Variants in TTC7A observed in about 807,000 individuals in gnomAD.
TTC7A encodes the protein tetratricopeptide repeat domain 7A.
A neutral mutation model predicts 103.7 loss-of-function variants in TTC7A; 110 were observed. The observed-to-expected ratio is 1.06, with a 90% CI of 0.91 to 1.24. The LOEUF (loss-of-function observed/expected upper bound fraction) is 1.24, where lower values mean the gene tolerates loss of function less well. Among genes scored for constraint, TTC7A ranks in the 50% most tolerant of loss-of-function variants. TTC7A has a pLI of 0.00. For synonymous variants in TTC7A, 521 were observed against 467.9 expected, an observed-to-expected ratio of 1.11 and a Z score of -1.47; for missense variants, 1,340 against 1,116.3, an observed-to-expected ratio of 1.20 and a Z score of -2.86.
chr2:46,994,594 T>G (rs1484425613), intron 7 of TTC7A, 80 bp downstream of exon 7: 17 of 1,435,930 alleles, frequency 1.2e-5, no homozygotes, highest in Non-Finnish European at 1.6e-5. Context: ...GCTTCCTCTT[T>G]GCCCCATGCT....
intron 4 of TTC7A, 81 bp from the exon 5 acceptor site, chr2:46,978,711 G>A: frequency 2.7e-6 from 3 of 1,099,382 alleles, no homozygotes; most frequent in Non-Finnish European, 4.1e-6. Context: ...CTGGGATGGT[G>A]ATGAGGCCAC....
intron 14 of TTC7A, among the ~76,000 whole-genome samples, chr2:47,027,101 CCT>C (rs1258635205): frequency 6.6e-6 from 1 of 152,232 alleles, no homozygotes; most frequent in Non-Finnish European, 1.5e-5. Flanking sequence ...CTCTCCCAAC[CCT>C]CTCTTTCCAG....
intron 8 of TTC7A, among the ~76,000 whole-genome samples, chr2:47,005,340 G>A (rs991988444): frequency 6.6e-6 from 1 of 152,220 alleles, no homozygotes; most frequent in African/African-American, 2.4e-5. Context: ...GAGTCAAGCA[G>A]CAGAGCCACC....
rs761332362 is a variant in TTC7A at position 46,994,380 on chromosome 2, GGTCCTGCT to G, written c.869_876del (p.Val290AlafsTer5). 1.2e-6 allele frequency: 2 copies of G among 1,613,402 alleles called. No individual in the cohort carries two copies. The highest frequency in any genetic ancestry group is 2.2e-5 in the South Asian group (2 of 91,008). On this transcript the variant is annotated frameshift_variant, in exon 7 of 20. Coordinates refer to ENST00000319190, the MANE Select transcript of TTC7A (RefSeq NM_020458.4). LOFTEE classifies it high-confidence loss of function. ...AGATGGCGGCCAAGCACCTGGCGGGGGTCCTGCTGCACTCCCTGAGTGAGGAGTGCTAC... is the reference window on the plus strand; with the variant it reads ...AGATGGCGGCCAAGCACCTGGCGGGGGCACTCCCTGAGTGAGGAGTGCTAC...
upstream of TTC7A, among the ~76,000 whole-genome samples, chr2:46,939,010 C>CAAA (rs1190579295): frequency 2.6e-5 from 2 of 76,990 alleles, no homozygotes; most frequent in African/African-American, 4.4e-5. Context: ...GACTCTGTCT[C>CAAA]AAAAAAAAAA....
At chr2:46,927,778 C>T (rs1669467099) in intron 2 of TTC7A, among the ~76,000 whole-genome samples, 2 of 151,186 alleles carry the variant, frequency 1.3e-5, no homozygotes, top group Non-Finnish European at 2.9e-5. Context: ...TAAAATACTA[C>T]AGCCAGCTAA....
At chr2:46,932,221 C>T (rs906585741) in intron 2 of TTC7A, among the ~76,000 whole-genome samples, 13 of 151,462 alleles carry the variant, frequency 8.6e-5, no homozygotes, top group Admixed American at 7.3e-4. Context: ...GGGGTCTTGG[C>T]TCACTGCAAC....
At chr2:46,962,373 A>G (rs1301010366) in intron 3 of TTC7A, among the ~76,000 whole-genome samples, 1 of 151,990 alleles carries the variant, frequency 6.6e-6, no homozygotes. Context: ...CGTCCATTCT[A>G]CCCAGTTAGG....
rs1237049282 is a variant in TTC7A at position 46,994,418 on chromosome 2, G to A, written c.905G>A (p.Ser302Asn). ...TCCCTGAGTGAGGAGTGCTACTGGA[G>A]CCCCCTGTCCCACCCTCTGCCTGAG... ...LHSLSEECYW[S>N]PLSHPLPEFM... Residue 302 changes from serine (S) to asparagine (N), a missense_variant, in exon 7 of 20, where the codon AGC (serine) becomes AAC (asparagine). By Grantham distance (46) the Ser-to-Asn change is conservative (BLOSUM62 1). Transcript: ENST00000319190. The A allele has an allele frequency of 6.2e-7, 1 of 1,614,084 alleles. No homozygotes were observed. The highest frequency in any genetic ancestry group is 2.2e-5 in the East Asian group (1 of 44,880).
chr2:46,921,969 AG>A (rs1417552498), intron 2 of TTC7A, among the ~76,000 whole-genome samples: 1 of 152,200 alleles, frequency 6.6e-6, no homozygotes, highest in African/African-American at 2.4e-5. Flanking sequence ...TTGGGGGGTG[AG>A]GGCCCCTGTA....
intron 1 of TTC7A, among the ~76,000 whole-genome samples, chr2:46,942,634 T>C (rs1670539892): frequency 6.6e-6 from 1 of 152,198 alleles, no homozygotes; most frequent in Admixed American, 6.5e-5. Flanking sequence ...GCAGGTACTC[T>C]TGTTTGTCCC....
rs560625430 is a variant in TTC7A, at chr2:46,941,429, C to T, written c.-113C>T. On this transcript the variant is annotated 5_prime_UTR_variant, in exon 1 of 20. Coordinates refer to ENST00000319190, the MANE Select transcript of TTC7A (RefSeq NM_020458.4). This position sits in a 1 kb window ranked among gnomAD's most constrained non-coding sequence, Gnocchi z 4.2. ...GCCCCCGCTGCCGCCCGGGCCCCGG[C>T]TGCCGTCTGCGCCCCCGTCGACCCC... The T allele has an allele frequency of 2.5e-3, 2,964 of 1,172,310 alleles. 63 individuals carry two copies. The African/African-American group carries it at 0.041, about 16-fold the overall frequency. The allele number at this position is 1,172,310 out of a possible 1,614,324, so 72.6% of individuals were successfully genotyped here.
chr2:46,936,358 G>T (rs1669979651), upstream of TTC7A, among the ~76,000 whole-genome samples: 1 of 143,772 alleles, frequency 7.0e-6, no homozygotes, highest in East Asian at 2.1e-4. Flanking sequence ...GCTGGCCCAG[G>T]GACAAATTTT....
At chr2:47,043,310 G>T (rs987966505) in intron 15 of TTC7A, among the ~76,000 whole-genome samples, 1 of 152,200 alleles carries the variant, frequency 6.6e-6, no homozygotes, top group Non-Finnish European at 1.5e-5. Context: ...CATCAGGAAG[G>T]CTGTCTTAGA....
chr2:46,954,033 A>G (rs1297168510), intron 2 of TTC7A, among the ~76,000 whole-genome samples: 2 of 152,074 alleles, frequency 1.3e-5, no homozygotes, highest in Non-Finnish European at 2.9e-5. Flanking sequence ...CCCATGCTCT[A>G]ATGCTGTCTC....
In TTC7A at chr2:47,073,836, G is replaced by C. The variant is rs772868763; in HGVS notation, c.2490G>C (p.Glu830Asp). Residue 830 changes from glutamate to aspartate, a missense_variant, in exon 20 of 20, where the codon GAG becomes GAC. By Grantham distance (45) the Glu-to-Asp change is conservative (BLOSUM62 2). Coordinates refer to ENST00000319190, the MANE Select transcript of TTC7A (RefSeq NM_020458.4). ...GEVLQAQGQN[E>D]AAVDCFLTAL... ...TGCTGCAGGCCCAGGGCCAGAACGAGGCTGCCGTTGACTGCTTCCTCACCG... is the reference window on the plus strand; with the variant it reads ...TGCTGCAGGCCCAGGGCCAGAACGACGCTGCCGTTGACTGCTTCCTCACCG... 4 of 1,613,752 alleles carry C rather than the reference G, an allele frequency of 2.5e-6. No homozygotes were observed. The highest frequency in any genetic ancestry group is 2.5e-6 in the Non-Finnish European group (3 of 1,180,026).
intron 1 of TTC7A, among the ~76,000 whole-genome samples, chr2:46,946,572 T>C (rs1271269530): frequency 3.5e-4 from 53 of 152,266 alleles, no homozygotes; most frequent in Non-Finnish European, 8.8e-5. Context: ...TCTAGGCGTG[T>C]ACCTCTAACA....
At chr2:46,958,106 C>T (rs1395202506) in intron 3 of TTC7A, among the ~76,000 whole-genome samples, 1 of 152,182 alleles carries the variant, frequency 6.6e-6, no homozygotes, top group African/African-American at 2.4e-5. Context: ...CCCCTGTCTC[C>T]CCTGGGTCCC....
chr2:47,010,626 C>G (rs570125861), intron 10 of TTC7A, among the ~76,000 whole-genome samples: 16 of 152,280 alleles, frequency 1.1e-4, no homozygotes, highest in African/African-American at 3.4e-4. Context: ...AATATCTCCC[C>G]TTCCTCTCTG....
Sources: gnomAD v4.1 joint callset for allele counts (sites outside exome capture counted in the v4.1 genomes callset) on GRCh38, gnomAD v4.1.1 for gene constraint, Gnocchi (gnomAD v3.1) non-coding constraint, MANE v1.5 for transcripts, NCBI Gene and HGNC (gene_info 2026-07-23, HGNC 2026-07-21) for gene names.